ATP8A1: variants seen among roughly 807,000 people sequenced by gnomAD.
ATP8A1 encodes the protein ATPase phospholipid transporting 8A1.
In ATP8A1, 90 loss-of-function variants were observed where a neutral mutation model predicts 177.7. The ratio of observed to expected loss-of-function variants is 0.51; its 90% CI spans 0.43 to 0.60. The LOEUF is 0.60. Among genes scored for constraint, ATP8A1 ranks in the 20% least tolerant of loss-of-function variants. ATP8A1 has a pLI of 0.00. For missense variants in ATP8A1, 1,072 were observed against 1,392.8 expected, an observed-to-expected ratio of 0.77 and a Z score of 3.67; for synonymous variants, 493 against 485.9, an observed-to-expected ratio of 1.01 and a Z score of -0.19.
intron 22 of ATP8A1, among the ~76,000 whole-genome samples, chr4:42,508,813 G>A (rs35395122): frequency 6.6e-6 from 1 of 152,080 alleles, no homozygotes; most frequent in African/African-American, 2.4e-5. Flanking sequence ...GGGCAGAATG[G>A]ATGCAAGGGA....
rs1482189101 is a variant in ATP8A1, at chr4:42,413,628, C to T, written c.3398-615G>A. 4.6e-5 allele frequency among the ~76,000 whole-genome samples: 7 copies of T among 152,306 alleles called. 1 individual carries two copies. In the South Asian group the frequency reaches 8.3e-4, roughly 18 times the overall value. On this transcript the variant is annotated intron_variant, in intron 36 of 36. Coordinates refer to ENST00000381668, the MANE Select transcript of ATP8A1 (RefSeq NM_006095.2). ...ATTACTTATAATACTTAATACAATGCCCTCACATCAGTTCATTCTAGTGGA... is the reference window on the plus strand; with the variant it reads ...ATTACTTATAATACTTAATACAATGTCCTCACATCAGTTCATTCTAGTGGA...
At chr4:42,472,218 CA>C in intron 25 of ATP8A1, 1 of 588,910 alleles carries the variant, frequency 1.7e-6, no homozygotes, top group Non-Finnish European at 3.3e-6. Context: ...AAATTGTGGG[CA>C]AGAGAATCTG....
chr4:42,628,554 T>G lies in ATP8A1; in HGVS notation c.50-1445A>C, dbSNP rs576890039. 1.9e-3 allele frequency among the ~76,000 whole-genome samples: 289 copies of G among 152,300 alleles called. 1 individual carries two copies. The highest frequency in any genetic ancestry group is 6.7e-3 in the African/African-American group (278 of 41,576). On this transcript the variant is annotated intron_variant, in intron 1 of 36. Coordinates refer to ENST00000381668, the MANE Select transcript of ATP8A1 (RefSeq NM_006095.2). Reference sequence around the variant, plus strand: ...GAGGCACATTGTATCCTTATCACCCTGGAGGTCACATGGCTCCGAGTAGAT... The same window carrying G: ...GAGGCACATTGTATCCTTATCACCCGGGAGGTCACATGGCTCCGAGTAGAT...
At chr4:42,466,609 C>T (rs983553102) in intron 25 of ATP8A1, among the ~76,000 whole-genome samples, 3 of 152,204 alleles carry the variant, frequency 2.0e-5, no homozygotes, top group African/African-American at 7.2e-5. Context: ...ATACTCAATA[C>T]ATGGTTGCTA....
intron 1 of ATP8A1, among the ~76,000 whole-genome samples, chr4:42,646,945 G>A (rs913043950): frequency 6.6e-6 from 1 of 152,130 alleles, no homozygotes; most frequent in African/African-American, 2.4e-5. Context: ...CTACTTAAGA[G>A]TTTTATCTAC....
chr4:42,576,752 A>G (rs2109332805), intron 12 of ATP8A1, among the ~76,000 whole-genome samples: 1 of 152,278 alleles, frequency 6.6e-6, no homozygotes, highest in East Asian at 1.9e-4. Flanking sequence ...GCCATGTGTT[A>G]AGAGAGAGAT....
chr4:42,509,679 C>T (rs1171595929), intron 22 of ATP8A1, among the ~76,000 whole-genome samples: 6 of 151,862 alleles, frequency 4.0e-5, no homozygotes, highest in African/African-American at 7.3e-5. Context: ...GGTGAAACCT[C>T]GTCTCTACTA....
chr4:42,517,897 T>C lies in ATP8A1; in HGVS notation c.1947+4263A>G, dbSNP rs548104175. Among the ~76,000 whole-genome samples the C allele has an allele frequency of 4.6e-5, 7 of 152,308 alleles. No individual in the cohort carries two copies. In the East Asian group the frequency reaches 1.2e-3, roughly 25 times the overall value. ...TGTCAATAGGGATAACAATAGCCGGTGGGCTTTTTCACTTTCCATATCCTC... is the reference window on the plus strand; with the variant it reads ...TGTCAATAGGGATAACAATAGCCGGCGGGCTTTTTCACTTTCCATATCCTC... On this transcript the variant is annotated intron_variant, in intron 22 of 36. Transcript: ENST00000381668.
In ATP8A1 at chr4:42,549,076, G is replaced by GAATATATAATTAC; in HGVS notation, c.1603-27_1603-15dup. The GAATATATAATTAC allele has an allele frequency of 6.3e-7, 1 of 1,599,438 alleles. No homozygotes were observed. The highest frequency in any genetic ancestry group is 8.6e-7 in the Non-Finnish European group (1 of 1,168,510). On this transcript the variant is annotated splice_polypyrimidine_tract_variant and intron_variant, in intron 18 of 36. Coordinates refer to ENST00000381668, the MANE Select transcript of ATP8A1 (RefSeq NM_006095.2). The stretch of plus-strand genomic sequence containing the variant: ...TTCCTGCCCCAGCTAAGAAGAAAAG[G>GAATATATAATTAC]AATATATAATTACATACAGTTGGAA...
intron 4 of ATP8A1, among the ~76,000 whole-genome samples, chr4:42,622,238 C>T (rs1390869909): frequency 4.0e-5 from 6 of 149,624 alleles, no homozygotes; most frequent in African/African-American, 9.8e-5. Flanking sequence ...AAAAATTAGC[C>T]GGGAATGGTG....
chr4:42,409,348 C>T lies in ATP8A1; in HGVS notation c.*3568G>A, dbSNP rs190115304. 4.6e-5 allele frequency: 7 copies of T among 152,190 alleles called. No homozygotes were observed. The highest frequency in any genetic ancestry group is 2.1e-4 in the South Asian group (1 of 4,824). The allele number at this position is 152,190 out of a possible 1,614,324, so 9.4% of individuals were successfully genotyped here. On this transcript the variant is annotated 3_prime_UTR_variant, in exon 37 of 37. Transcript: ENST00000381668. The stretch of plus-strand genomic sequence containing the variant: ...TAGCTGTTGAAGGTTAATTAAAATG[C>T]AGCAAAGTATAACTACGTTACACAA...
Position 42,423,665 on chromosome 4 carries a change from A to G in ATP8A1, c.3164T>C (p.Leu1055Ser). The change falls in exon 34 of 37, where the codon TTG becomes TCG. Residue 1055 changes from leucine (L) to serine (S), a missense_variant. Leu to Ser is a moderately radical substitution (Grantham distance 145). Around this residue, in one of 5 missense-constraint regions of ATP8A1, gnomAD observed 316 missense variants for 459.1 expected, o/e 0.69. Coordinates refer to ENST00000381668, the MANE Select transcript of ATP8A1 (RefSeq NM_006095.2). The stretch of plus-strand genomic sequence containing the variant: ...CAGAGATGCCACAGGGATGAATAAC[A>G]AGCCCATCCAAAAGACTCCAGAACT... ...LFSSGVFWMG[L>S]LFIPVASLLL... 6.2e-7 allele frequency: 1 copy of G among 1,612,930 alleles called. No individual in the cohort carries two copies. Among genetic ancestry groups the G allele is most frequent in the South Asian group, 1.1e-5 (1 of 90,610 alleles).
chr4:42,579,995 G>C lies in ATP8A1; in HGVS notation c.835-17C>G, dbSNP rs772526184. The C allele has an allele frequency of 1.9e-6, 3 of 1,567,618 alleles. No individual in the cohort carries two copies. Among genetic ancestry groups the C allele is most frequent in the East Asian group, 4.6e-5 (2 of 43,388 alleles). ...TGTTGAATTCTGTAAAAAGAAACAA[G>C]ATGAGTAATAAAAAATGTACACCAA... is the stretch of plus-strand genomic sequence containing the variant. On this transcript the variant is annotated splice_polypyrimidine_tract_variant and intron_variant, in intron 10 of 36. Coordinates refer to ENST00000381668, the MANE Select transcript of ATP8A1 (RefSeq NM_006095.2).
intron 22 of ATP8A1, among the ~76,000 whole-genome samples, chr4:42,519,857 A>C (rs1013507240): frequency 1.2e-4 from 18 of 152,190 alleles, no homozygotes; most frequent in Middle Eastern, 3.2e-3. Context: ...AAACAGTCAT[A>C]AGGGAGGTTT....
At chr4:42,571,182 C>G (rs577103397) in intron 14 of ATP8A1, among the ~76,000 whole-genome samples, 32 of 152,226 alleles carry the variant, frequency 2.1e-4, no homozygotes, top group African/African-American at 7.2e-4. Context: ...CGTGAAATTT[C>G]TCGTGGTGAG....
intron 10 of ATP8A1, among the ~76,000 whole-genome samples, chr4:42,580,907 A>C (rs1375140796): frequency 9.2e-5 from 14 of 152,228 alleles, no homozygotes; most frequent in Admixed American, 9.2e-4. Context: ...ATTTGATTCA[A>C]ATTTCTAAAA....
chr4:42,453,066 TACC>T (rs1290531512), intron 29 of ATP8A1, among the ~76,000 whole-genome samples: 6 of 152,336 alleles, frequency 3.9e-5, no homozygotes, highest in South Asian at 4.1e-4. Flanking sequence ...ACTGTGTCAT[TACC>T]ACAAGTTTTT....
chr4:42,472,073 T>C (rs1720483615), intron 25 of ATP8A1: 1 of 718,812 alleles, frequency 1.4e-6, no homozygotes, highest in South Asian at 1.4e-5. Flanking sequence ...AAAAGTTCAG[T>C]GGGAAGCATG....
chr4:42,461,965 C>CA (rs1719211924), intron 27 of ATP8A1, among the ~76,000 whole-genome samples: 1 of 152,184 alleles, frequency 6.6e-6, no homozygotes, highest in African/African-American at 2.4e-5. Context: ...CATTTTGCCC[C>CA]TTCCCTAGAG....
Sources: allele counts gnomAD v4.1 joint callset (sites outside exome capture counted in the v4.1 genomes callset), GRCh38; gene constraint gnomAD v4.1.1; regional missense constraint gnomAD v4.1.1; transcripts MANE v1.5; gene names NCBI Gene and HGNC (gene_info 2026-07-23, HGNC 2026-07-21).